Variants in H2BC4 observed in about 807,000 individuals in gnomAD.
H2BC4 encodes H2B clustered histone 4.
In H2BC4, 10 loss-of-function variants were observed where a neutral mutation model predicts 6.2. The ratio of observed to expected loss-of-function variants is 1.61; its 90% CI spans 0.99 to 2.73. The LOEUF (loss-of-function observed/expected upper bound fraction) is 2.73. Among genes scored for constraint, H2BC4 ranks in the 30% most tolerant of loss-of-function variants. The pLI is 0.00. For missense variants in H2BC4, 176 were observed against 168.7 expected (o/e 1.04, Z -0.24); for synonymous variants, 146 against 70.7 (o/e 2.07, Z -5.35).
In H2BC4 at chr6:26,123,821, C is replaced by T. The variant is rs114450682; in HGVS notation, c.84G>A (p.Lys28=). 1.5e-5 allele frequency: 25 copies of T among 1,614,266 alleles called. No homozygotes were observed. In the East Asian group the frequency reaches 4.7e-4, roughly 30 times the overall value. The change falls in exon 1 of 1, where the codon AAG becomes AAA. Residue 28 remains lysine, a synonymous_variant. Transcript: ENST00000396984. ...TCTCCTTGCGGCTGCGCTTGCGCTT[C>T]TTGCCATCTTTCTTCTGCGCTTTGG... ...AVTKAQKKDG[K]KRKRSRKESY...
downstream of H2BC4, among the ~76,000 whole-genome samples, chr6:26,122,926 G>A (rs1025548821): frequency 2.0e-5 from 3 of 152,112 alleles, no homozygotes; most frequent in Admixed American, 6.5e-5. Context: ...CGCATATTAG[G>A]TTAAAAGACT....
chr6:26,115,084 T>C (rs1393726471), exon 2 of H2BC4: 2 of 152,172 alleles, frequency 1.3e-5, no homozygotes, highest in Non-Finnish European at 2.9e-5. Context: ...TGAAACAGTG[T>C]CCAGCAGTGA....
chr6:26,123,787 C>CA lies in H2BC4; in HGVS notation c.117dup (p.Val40CysfsTer29), dbSNP rs1763557689. On this transcript the variant is annotated frameshift_variant, in exon 1 of 1. Coordinates refer to ENST00000396984, the MANE Select transcript of H2BC4 (RefSeq NM_003526.3). LOFTEE classifies it high-confidence loss of function. ...TGTTTCAGCACCTTGTACACGTACA[C>CA]AGAGTAACTCTCCTTGCGGCTGCGC... is the stretch of plus-strand genomic sequence containing the variant. 2 of 1,614,274 alleles carry CA rather than the reference C, an allele frequency of 1.2e-6. No individual in the cohort carries two copies. Among genetic ancestry groups the CA allele is most frequent in the East Asian group, 4.5e-5 (2 of 44,890 alleles).
At chr6:26,121,316 A>T (rs1763493943), downstream of H2BC4, among the ~76,000 whole-genome samples, 1 of 152,232 alleles carries the variant, frequency 6.6e-6, no homozygotes. Context: ...ACCAATATGC[A>T]ACCAATCAGC....
chr6:26,120,176 G>T (rs1763480317), downstream of H2BC4, among the ~76,000 whole-genome samples: 1 of 152,106 alleles, frequency 6.6e-6, no homozygotes, highest in African/African-American at 2.4e-5. Context: ...AAATAAGATA[G>T]TCTTTTCTGG....
downstream of H2BC4, chr6:26,123,405 C>T: frequency 1.3e-6 from 2 of 1,512,702 alleles, no homozygotes; most frequent in Non-Finnish European, 1.8e-6. Context: ...TTCCTATATT[C>T]TAATACCCCT....
intron 1 of H2BC4, among the ~76,000 whole-genome samples, chr6:26,117,411 G>A (rs1195781818): frequency 6.6e-6 from 1 of 152,172 alleles, no homozygotes; most frequent in Non-Finnish European, 1.5e-5. Flanking sequence ...GGATACTAAT[G>A]CACAGAGAGA....
rs1373585365 is a variant in H2BC4 at position 26,123,557 on chromosome 6, G to C, written c.348C>G (p.Thr116=). Reference sequence around the variant, plus strand: ...AGCTGGTGTACTTGGTGACGGCCTTGGTGCCCTCCGACACGGCGTGCTTGG... The same window carrying C: ...AGCTGGTGTACTTGGTGACGGCCTTCGTGCCCTCCGACACGGCGTGCTTGG... The part of the protein sequence containing the change: ...ELAKHAVSEG[T]KAVTKYTSSK Residue 116 remains threonine, a synonymous_variant, in exon 1 of 1, where the codon ACC becomes ACG. Transcript: ENST00000396984. The C allele has an allele frequency of 1.2e-6, 2 of 1,614,262 alleles. No individual in the cohort carries two copies. The highest frequency in any genetic ancestry group is 1.7e-6 in the Non-Finnish European group (2 of 1,180,044).
chr6:26,121,372 C>T (rs558104853), downstream of H2BC4, among the ~76,000 whole-genome samples: 10 of 152,164 alleles, frequency 6.6e-5, no homozygotes, highest in Non-Finnish European at 1.3e-4. Flanking sequence ...GGACGATAAA[C>T]TTTTAGCATG....
At chr6:26,119,199 C>T (rs1309268941), downstream of H2BC4, among the ~76,000 whole-genome samples, 1 of 152,088 alleles carries the variant, frequency 6.6e-6, no homozygotes, top group Non-Finnish European at 1.5e-5. Flanking sequence ...CCAAAACCTG[C>T]ATGGTCCTCT....
chr6:26,120,980 A>C (rs976083523), downstream of H2BC4, among the ~76,000 whole-genome samples: 33 of 152,350 alleles, frequency 2.2e-4, 1 homozygote, highest in African/African-American at 7.9e-4. Flanking sequence ...TCTTAAAGTC[A>C]AAAGTTATAA....
downstream of H2BC4, among the ~76,000 whole-genome samples, chr6:26,114,394 T>C (rs1209940890): frequency 6.6e-6 from 1 of 152,210 alleles, no homozygotes; most frequent in African/African-American, 2.4e-5. Context: ...ATTTCAATTT[T>C]TTTTTCTTTT....
downstream of H2BC4, among the ~76,000 whole-genome samples, chr6:26,121,184 A>G (rs573034757): frequency 6.6e-6 from 1 of 152,294 alleles, no homozygotes; most frequent in South Asian, 2.1e-4. Context: ...GAGAATATCA[A>G]CATCTTCAAA....
chr6:26,123,769 G>A lies in H2BC4; in HGVS notation c.136C>T (p.Leu46=), dbSNP rs147992160. Residue 46 remains leucine, a synonymous_variant, in exon 1 of 1, where the codon CTG becomes TTG. Coordinates refer to ENST00000396984, the MANE Select transcript of H2BC4 (RefSeq NM_003526.3). ...CCAGTGTCGGGATGGACCTGTTTCA[G>A]CACCTTGTACACGTACACAGAGTAA... is the stretch of plus-strand genomic sequence containing the variant. ...ESYSVYVYKV[L]KQVHPDTGIS... 4.0e-5 allele frequency: 65 copies of A among 1,614,138 alleles called. No homozygotes were observed. The African/African-American group carries it at 7.6e-4, about 19-fold the overall frequency.
chr6:26,114,835 G>A (rs1157557093), downstream of H2BC4: 1 of 151,556 alleles, frequency 6.6e-6, no homozygotes, highest in Non-Finnish European at 1.5e-5. Context: ...ATGTATATAT[G>A]AATATGAGTA....
downstream of H2BC4, among the ~76,000 whole-genome samples, chr6:26,113,918 C>T (rs539898581): frequency 6.6e-6 from 1 of 150,634 alleles, no homozygotes; most frequent in Non-Finnish European, 1.5e-5. Flanking sequence ...AGTGCAGAAT[C>T]TTCCTCTTCT....
chr6:26,123,499 G>GTGTTAAGACGCT lies in H2BC4; in HGVS notation c.*13_*24dup. The GTGTTAAGACGCT allele has an allele frequency of 6.2e-7, 1 of 1,614,188 alleles. No homozygotes were observed. The highest frequency in any genetic ancestry group is 8.5e-7 in the Non-Finnish European group (1 of 1,180,028). ...CTCTTAAAAGAGCCTTTGGGGTTAG[G>GTGTTAAGACGCT]TGTTAAGACGCTTACTTGGAATGTT... On this transcript the variant is annotated 3_prime_UTR_variant, in exon 1 of 1. Coordinates refer to ENST00000396984, the MANE Select transcript of H2BC4 (RefSeq NM_003526.3).
chr6:26,121,826 G>C (rs1160265649), downstream of H2BC4, among the ~76,000 whole-genome samples: 1 of 151,776 alleles, frequency 6.6e-6, no homozygotes, highest in Non-Finnish European at 1.5e-5. Flanking sequence ...GCCAAGGCGG[G>C]CAGATCACCT....
chr6:26,115,126 T>A (rs1763402868), exon 2 of H2BC4: 1 of 152,162 alleles, frequency 6.6e-6, no homozygotes. Flanking sequence ...CTAAAAGCTG[T>A]TGTCTCCCCC....
Sources: gnomAD v4.1 joint callset for allele counts (sites outside exome capture counted in the v4.1 genomes callset) on GRCh38, gnomAD v4.1.1 for gene constraint, MANE v1.5 for transcripts, NCBI Gene and HGNC (gene_info 2026-07-23, HGNC 2026-07-21) for gene names.